The following UBASH3B variants were observed in gnomAD, a reference collection of about 807,000 sequenced individuals.
UBASH3B encodes the protein ubiquitin associated and SH3 domain containing B.
Under a neutral mutation model 83.4 loss-of-function variants are expected in UBASH3B, and 37 were observed. The observed-to-expected ratio is 0.44, with a 90% CI of 0.34 to 0.58. UBASH3B has a LOEUF of 0.58. UBASH3B is among the 20% of genes least tolerant of loss of function. UBASH3B has a pLI of 0.01. For missense variants in UBASH3B, 657 were observed against 827.2 expected (o/e 0.79, Z 2.52); for synonymous variants, 304 against 318.3 (o/e 0.96, Z 0.48).
chr11:122,680,630 A>G (rs1173812690), intron 1 of UBASH3B, among the ~76,000 whole-genome samples: 1 of 151,926 alleles, frequency 6.6e-6, no homozygotes, highest in Non-Finnish European at 1.5e-5. Context: ...TGCCTGGCTA[A>G]TTTTGTATTT....
At chr11:122,717,613 G>A (rs1393393698) in intron 1 of UBASH3B, among the ~76,000 whole-genome samples, 1 of 152,198 alleles carries the variant, frequency 6.6e-6, no homozygotes, top group Non-Finnish European at 1.5e-5. Flanking sequence ...CCTGTGTTCA[G>A]CAAAGTGGGG....
chr11:122,757,522 T>G lies in UBASH3B; in HGVS notation c.162-18697T>G, dbSNP rs1232923441. ...ATGAAGACAGCATATACCTGATACA[T>G]CTAGATATTTCATGCTGTGTTGTGT... On this transcript the variant is annotated intron_variant, in intron 1 of 13. Transcript: ENST00000284273. Among the ~76,000 whole-genome samples the G allele has an allele frequency of 3.3e-5, 5 of 152,074 alleles. No homozygotes were observed. The East Asian group carries it at 9.6e-4, about 29-fold the overall frequency.
intron 11 of UBASH3B, among the ~76,000 whole-genome samples, chr11:122,802,903 C>T (rs1318741122): frequency 6.6e-6 from 1 of 152,188 alleles, no homozygotes; most frequent in Non-Finnish European, 1.5e-5. Context: ...CACCATTTAC[C>T]ACCAGCCCCA....
chr11:122,666,073 A>T (rs998948308), intron 1 of UBASH3B, among the ~76,000 whole-genome samples: 1 of 152,206 alleles, frequency 6.6e-6, no homozygotes, highest in East Asian at 1.9e-4. Flanking sequence ...GTAGCCTCTC[A>T]TGGCAGTCTG....
chr11:122,671,656 C>T (rs1171826949), intron 1 of UBASH3B, among the ~76,000 whole-genome samples: 4 of 152,244 alleles, frequency 2.6e-5, no homozygotes, highest in South Asian at 4.1e-4. Context: ...CACAAGTGGG[C>T]TGTCTTGTTC....
rs1591816389 is a variant in UBASH3B, at chr11:122,793,009, C to A, written c.981-1693C>A. ...ACTTCTAGTGAAAAAGGAGCCACTT[C>A]TGAAAGTGAAGGAACAAAAATTTAC... On this transcript the variant is annotated intron_variant, in intron 6 of 13. Transcript: ENST00000284273. Among the ~76,000 whole-genome samples the A allele has an allele frequency of 2.0e-5, 3 of 152,140 alleles. No homozygotes were observed. In the South Asian group the frequency reaches 6.2e-4, roughly 32 times the overall value.
intron 1 of UBASH3B, among the ~76,000 whole-genome samples, chr11:122,662,345 CT>C (rs1290206964): frequency 6.6e-6 from 1 of 152,178 alleles, no homozygotes; most frequent in Non-Finnish European, 1.5e-5. Context: ...TTCACTGCCC[CT>C]AAAAGTTTCG....
chr11:122,770,041 T>C (rs974420578), intron 1 of UBASH3B, among the ~76,000 whole-genome samples: 1 of 152,252 alleles, frequency 6.6e-6, no homozygotes, highest in African/African-American at 2.4e-5. Context: ...ATTGGTTGCA[T>C]AGGGAATTTC....
chr11:122,711,584 C>T, intron 1 of UBASH3B, among the ~76,000 whole-genome samples: 1 of 152,236 alleles, frequency 6.6e-6, no homozygotes, highest in East Asian at 1.9e-4. Context: ...GCCTCTAAGT[C>T]TCCTGAGCAT....
chr11:122,668,224 G>T (rs1231508150), intron 1 of UBASH3B, among the ~76,000 whole-genome samples: 1 of 152,098 alleles, frequency 6.6e-6, no homozygotes, highest in Admixed American at 6.6e-5. Context: ...CTGACCTCAG[G>T]TGATCCTCCC....
chr11:122,697,394 A>T (rs111573292), intron 1 of UBASH3B, among the ~76,000 whole-genome samples: 1 of 152,196 alleles, frequency 6.6e-6, no homozygotes, highest in Non-Finnish European at 1.5e-5. Flanking sequence ...AGATCGCAAC[A>T]TTGCACTCCA....
At chr11:122,742,948 T>G (rs1861050295) in intron 1 of UBASH3B, among the ~76,000 whole-genome samples, 1 of 152,170 alleles carries the variant, frequency 6.6e-6, no homozygotes, top group Non-Finnish European at 1.5e-5. Flanking sequence ...CTAGAGTTTT[T>G]TGTGTGTGTG....
At chr11:122,705,627 G>A (rs989718615) in intron 1 of UBASH3B, among the ~76,000 whole-genome samples, 1 of 152,102 alleles carries the variant, frequency 6.6e-6, no homozygotes, top group Non-Finnish European at 1.5e-5. Context: ...TAATCAAGGA[G>A]GACTATTGCC....
In UBASH3B at chr11:122,779,821, A is replaced by C. The variant is rs1037919507; in HGVS notation, c.601+126A>C. 2.6e-6 allele frequency: 3 copies of C among 1,141,630 alleles called. No homozygotes were observed. In the African/African-American group the frequency reaches 4.6e-5, roughly 18 times the overall value. 70.7% of individuals were successfully genotyped at this position (1,141,630 alleles called of 1,614,324 possible). On this transcript the variant is annotated intron_variant, in intron 4 of 13. Transcript: ENST00000284273. ...GAGGTGGAGGACCCTGCAGGAATGG[A>C]CGTGTGACAAAAAAACAGCCTTTTC...
chr11:122,711,851 A>C (rs1278010515), intron 1 of UBASH3B, among the ~76,000 whole-genome samples: 2 of 152,162 alleles, frequency 1.3e-5, no homozygotes, highest in African/African-American at 4.8e-5. Flanking sequence ...ATAGCAAAGA[A>C]TCTTAAGGCT....
chr11:122,690,987 G>A (rs899703474), intron 1 of UBASH3B, among the ~76,000 whole-genome samples: 2 of 152,194 alleles, frequency 1.3e-5, no homozygotes, highest in Admixed American at 1.3e-4. Flanking sequence ...CGAAGGCCAC[G>A]AAGCAAAGTA....
intron 10 of UBASH3B, 112 bp from the exon 11 acceptor site, chr11:122,801,076 A>G: frequency 1.5e-6 from 2 of 1,316,794 alleles, no homozygotes; most frequent in Non-Finnish European, 2.1e-6. Flanking sequence ...CTGTTTAGCT[A>G]TATATAGCAG....
At chr11:122,661,315 C>T (rs1008370303) in intron 1 of UBASH3B, among the ~76,000 whole-genome samples, 1 of 152,176 alleles carries the variant, frequency 6.6e-6, no homozygotes, top group Non-Finnish European at 1.5e-5. Context: ...AAAAGCAGCT[C>T]CAAGTTGGCT....
chr11:122,669,620 C>T (rs1417008755), intron 1 of UBASH3B, among the ~76,000 whole-genome samples: 5 of 152,190 alleles, frequency 3.3e-5, no homozygotes, highest in Non-Finnish European at 1.5e-5. Flanking sequence ...ATTTCTGTTA[C>T]TAACTTGTCA....
Sources: gnomAD v4.1 joint callset for allele counts (sites outside exome capture counted in the v4.1 genomes callset) on GRCh38, gnomAD v4.1.1 for gene constraint, MANE v1.5 for transcripts, NCBI Gene and HGNC (gene_info 2026-07-23, HGNC 2026-07-21) for gene names.